RIMS1: variants seen among roughly 807,000 people sequenced by gnomAD.
RIMS1 encodes the protein regulating synaptic membrane exocytosis protein 1.
A neutral mutation model predicts 214.1 loss-of-function variants in RIMS1; 83 were observed. The ratio of observed to expected loss-of-function variants is 0.39; its 90% CI spans 0.32 to 0.47. RIMS1 has a LOEUF of 0.47. RIMS1 is among the 20% of genes least tolerant of loss of function. The probability of loss-of-function intolerance (pLI) is 0.99; values close to 1 mark genes in which losing one functional copy is unlikely to be tolerated. For missense variants in RIMS1, 2,050 were observed against 2,161.8 expected (o/e 0.95, Z 1.03); for synonymous variants, 793 against 786.8 (o/e 1.01, Z -0.13).
chr6:71,985,891 C>G lies in RIMS1; in HGVS notation c.245+16828C>G, dbSNP rs537762687. ...TTAATCACTTTAACTAGTGTCATTTCTTTCCAAAAGCTGCTTATGCCTCCT... is the reference window on the plus strand; with the variant it reads ...TTAATCACTTTAACTAGTGTCATTTGTTTCCAAAAGCTGCTTATGCCTCCT... On this transcript the variant is annotated intron_variant, in intron 2 of 33. Transcript: ENST00000521978. 7.2e-5 allele frequency among the ~76,000 whole-genome samples: 11 copies of G among 152,268 alleles called. No individual in the cohort carries two copies. In the South Asian group the frequency reaches 2.3e-3, roughly 32 times the overall value.
chr6:72,372,891 C>A (rs2098263529), intron 29 of RIMS1, among the ~76,000 whole-genome samples: 1 of 152,278 alleles, frequency 6.6e-6, no homozygotes, highest in South Asian at 2.1e-4. Context: ...TGGAGTGTAA[C>A]AATGTGTGTG....
chr6:72,295,147 A>G (rs775489678), intron 26 of RIMS1, among the ~76,000 whole-genome samples: 1 of 151,778 alleles, frequency 6.6e-6, no homozygotes, highest in African/African-American at 2.4e-5. Flanking sequence ...TGTGTTAATT[A>G]TGTTTTATAT....
chr6:71,894,417 G>C (rs1026210487), intron 1 of RIMS1, among the ~76,000 whole-genome samples: 1 of 151,962 alleles, frequency 6.6e-6, no homozygotes, highest in African/African-American at 2.4e-5. Context: ...CTGCAGTCCA[G>C]CCTGGGCAAC....
intron 23 of RIMS1, among the ~76,000 whole-genome samples, chr6:72,282,732 A>G (rs192745563): frequency 1.3e-5 from 2 of 152,264 alleles, no homozygotes; most frequent in East Asian, 1.9e-4. Context: ...CATGGAGTTT[A>G]AGTAAGTTCA....
intron 2 of RIMS1, 77 bp downstream of exon 2, chr6:71,969,140 C>A (rs1583742992): frequency 3.8e-6 from 5 of 1,330,722 alleles, no homozygotes; most frequent in African/African-American, 2.9e-5. Flanking sequence ...ATTCACATTG[C>A]ATGTGAGAGT....
At chr6:72,063,269 C>G (rs1293303739) in intron 2 of RIMS1, among the ~76,000 whole-genome samples, 1 of 152,076 alleles carries the variant, frequency 6.6e-6, no homozygotes, top group Non-Finnish European at 1.5e-5. Flanking sequence ...GCACTTTAGG[C>G]AAAGCAGGCT....
At chr6:72,273,170 C>G (rs1015988825) in intron 22 of RIMS1, among the ~76,000 whole-genome samples, 1 of 151,962 alleles carries the variant, frequency 6.6e-6, no homozygotes, top group Non-Finnish European at 1.5e-5. Flanking sequence ...TATCTGATGA[C>G]CTCGCATATC....
chr6:72,112,070 T>G (rs748544445), intron 4 of RIMS1, among the ~76,000 whole-genome samples: 6 of 152,182 alleles, frequency 3.9e-5, no homozygotes, highest in Non-Finnish European at 7.3e-5. Context: ...CAAACCAGCT[T>G]ATTCCAGCCT....
chr6:72,366,965 TTGTC>T, intron 29 of RIMS1: 1 of 492,648 alleles, frequency 2.0e-6, no homozygotes. Flanking sequence ...ATTTCTATAT[TTGTC>T]TGAAGCTTTC....
intron 4 of RIMS1, among the ~76,000 whole-genome samples, chr6:72,161,552 G>C (rs1476964471): frequency 1.5e-4 from 21 of 138,560 alleles, no homozygotes; most frequent in Admixed American, 3.0e-4. Flanking sequence ...TCTAAACACT[G>C]CTTTGAATGT....
At chr6:72,115,434 C>T (rs2036889141) in intron 4 of RIMS1, among the ~76,000 whole-genome samples, 1 of 151,828 alleles carries the variant, frequency 6.6e-6, no homozygotes, top group Non-Finnish European at 1.5e-5. Context: ...AAATTTGTTA[C>T]CTATATTTGA....
intron 22 of RIMS1, among the ~76,000 whole-genome samples, chr6:72,269,348 A>C (rs2081987138): frequency 6.6e-6 from 1 of 152,110 alleles, no homozygotes; most frequent in South Asian, 2.1e-4. Flanking sequence ...CCGCTGTCCT[A>C]TAAAGATAGG....
chr6:72,204,286 A>G (rs1372102794), intron 6 of RIMS1, among the ~76,000 whole-genome samples: 1 of 152,242 alleles, frequency 6.6e-6, no homozygotes, highest in Non-Finnish European at 1.5e-5. Context: ...TAGTAATTGT[A>G]ACTGTCCTAA....
intron 5 of RIMS1, among the ~76,000 whole-genome samples, chr6:72,181,438 G>T (rs1455064743): frequency 1.3e-5 from 2 of 152,186 alleles, no homozygotes; most frequent in African/African-American, 4.8e-5. Flanking sequence ...GTTTGGAACT[G>T]GTTGGAAGAT....
rs1042407745 is a variant in RIMS1 at position 72,153,898 on chromosome 6, A to G, written c.472-25677A>G. Among the ~76,000 whole-genome samples, 3 of 152,220 alleles carry G rather than the reference A, an allele frequency of 2.0e-5. No individual in the cohort carries two copies. The East Asian group carries it at 5.8e-4, about 29-fold the overall frequency. On this transcript the variant is annotated intron_variant, in intron 4 of 33. Transcript: ENST00000521978. The stretch of plus-strand genomic sequence containing the variant: ...TTAAAATTTTAAAAACGTACAAAAT[A>G]TTGAAATGTATAAGGCATGAAAAAA...
chr6:72,168,385 G>A (rs1269706698), intron 4 of RIMS1, among the ~76,000 whole-genome samples: 1 of 152,190 alleles, frequency 6.6e-6, no homozygotes, highest in African/African-American at 2.4e-5. Context: ...CAAGTGACTG[G>A]TGAGATCAAA....
At chr6:71,904,321 A>G (rs1336762611) in intron 1 of RIMS1, among the ~76,000 whole-genome samples, 2 of 152,176 alleles carry the variant, frequency 1.3e-5, no homozygotes, top group Non-Finnish European at 2.9e-5. Flanking sequence ...CTGTGTGGGA[A>G]GGGAAGTCAA....
intron 4 of RIMS1, among the ~76,000 whole-genome samples, chr6:72,106,714 A>G (rs1467635910): frequency 1.3e-5 from 2 of 152,198 alleles, no homozygotes; most frequent in Non-Finnish European, 2.9e-5. Flanking sequence ...TTTTACAATT[A>G]CTTTGTTAAA....
intron 29 of RIMS1, among the ~76,000 whole-genome samples, chr6:72,385,528 T>G (rs1457207041): frequency 6.6e-6 from 1 of 152,240 alleles, no homozygotes; most frequent in African/African-American, 2.4e-5. Context: ...CCTAAAATGT[T>G]GTATAATGGA....
Sources: gnomAD v4.1 joint callset for allele counts (sites outside exome capture counted in the v4.1 genomes callset) on GRCh38, gnomAD v4.1.1 for gene constraint, MANE v1.5 for transcripts, NCBI Gene and HGNC (gene_info 2026-07-23, HGNC 2026-07-21) for gene names.